The following DMXL2 variants were observed in gnomAD, a reference collection of about 807,000 sequenced individuals.
DMXL2 encodes the protein Dmx like 2, also known as dmX-like protein 2.
In DMXL2, 103 loss-of-function variants were observed where a neutral mutation model predicts 331.1. The ratio of observed to expected loss-of-function variants is 0.31; its 90% confidence interval spans 0.27 to 0.37. The LOEUF is 0.37. DMXL2 is among the 10% of genes least tolerant of loss of function. The probability of loss-of-function intolerance (pLI) is 1.00; values close to 1 mark genes in which losing one functional copy is unlikely to be tolerated. For synonymous variants in DMXL2, 1,281 were observed against 1,252.1 expected, an observed-to-expected ratio of 1.02 and a Z score of -0.49; for missense variants, 3,171 against 3,642.9, an observed-to-expected ratio of 0.87 and a Z score of 3.33.
chr15:51,492,950 T>C (rs1423595004), intron 19 of DMXL2, among the ~76,000 whole-genome samples: 2 of 152,210 alleles, frequency 1.3e-5, no homozygotes, highest in Non-Finnish European at 2.9e-5. Context: ...GTAATTTCTT[T>C]AGAAAGTATA....
chr15:51,516,970 T>C (rs1468720425), intron 14 of DMXL2, 108 bp downstream of exon 14: 2 of 877,294 alleles, frequency 2.3e-6, no homozygotes, highest in East Asian at 2.4e-5. Context: ...GTTGTCTGCA[T>C]TTAATAACAA....
chr15:51,543,084 A>T (rs1311154958), intron 8 of DMXL2, among the ~76,000 whole-genome samples: 1 of 152,150 alleles, frequency 6.6e-6, no homozygotes, highest in African/African-American at 2.4e-5. Context: ...TGCAATTTGG[A>T]TATGTTTAAA....
intron 1 of DMXL2, among the ~76,000 whole-genome samples, chr15:51,593,617 T>C (rs979108943): frequency 3.9e-5 from 6 of 152,206 alleles, no homozygotes; most frequent in Non-Finnish European, 5.9e-5. Context: ...TATACATTCT[T>C]CTCAGCACAA....
At chr15:51,601,179 T>A (rs1279467852) in intron 1 of DMXL2, among the ~76,000 whole-genome samples, 1 of 150,828 alleles carries the variant, frequency 6.6e-6, no homozygotes, top group African/African-American at 2.4e-5. Context: ...TAGTCCCAGC[T>A]ACTCGGGAGG....
chr15:51,602,926 T>C (rs2053330828), intron 1 of DMXL2, among the ~76,000 whole-genome samples: 1 of 152,140 alleles, frequency 6.6e-6, no homozygotes, highest in South Asian at 2.1e-4. Flanking sequence ...TATAAAGAAC[T>C]AAGAAAATCT....
intron 9 of DMXL2, among the ~76,000 whole-genome samples, chr15:51,539,500 A>G (rs1451374564): frequency 6.6e-6 from 1 of 152,180 alleles, no homozygotes; most frequent in Non-Finnish European, 1.5e-5. Flanking sequence ...TATGAAATTG[A>G]TGAGTTCATG....
At chr15:51,469,665 T>G (rs2140299168) in intron 29 of DMXL2, among the ~76,000 whole-genome samples, 1 of 152,274 alleles carries the variant, frequency 6.6e-6, no homozygotes, top group African/African-American at 2.4e-5. Flanking sequence ...AACAAAAATT[T>G]AGCACATTAC....
intron 29 of DMXL2, among the ~76,000 whole-genome samples, 197 bp downstream of exon 29, chr15:51,471,026 G>C (rs959756683): frequency 2.0e-5 from 3 of 152,118 alleles, no homozygotes; most frequent in Non-Finnish European, 2.9e-5. Flanking sequence ...ATTTTAATTT[G>C]TCTCCTACAT....
At chr15:51,453,936 C>T (rs1181074994) in intron 40 of DMXL2, 5 of 244,122 alleles carry the variant, frequency 2.0e-5, no homozygotes, top group South Asian at 7.5e-5. Context: ...ACCTAAGACC[C>T]GTCAATTTTA....
At chr15:51,465,540 C>CATTA (rs2040496097) in intron 31 of DMXL2, 26 bp downstream of exon 31, 1 of 1,500,986 alleles carries the variant, frequency 6.7e-7, no homozygotes, top group African/African-American at 1.4e-5. Flanking sequence ...TACTTAATAA[C>CATTA]ATTAATTTTT....
intron 13 of DMXL2, among the ~76,000 whole-genome samples, chr15:51,523,968 T>C (rs1239477266): frequency 1.3e-5 from 2 of 152,160 alleles, no homozygotes; most frequent in Non-Finnish European, 2.9e-5. Context: ...AACAACACCA[T>C]CAATCAAAAC....
chr15:51,513,502 G>A (rs1365170526), intron 15 of DMXL2, among the ~76,000 whole-genome samples: 2 of 152,176 alleles, frequency 1.3e-5, no homozygotes, highest in Non-Finnish European at 2.9e-5. Flanking sequence ...CTAGTCTGAC[G>A]AGTGAAAAGA....
At chr15:51,467,330 A>G (rs1244134968) in intron 29 of DMXL2, among the ~76,000 whole-genome samples, 4 of 152,138 alleles carry the variant, frequency 2.6e-5, no homozygotes, top group African/African-American at 9.6e-5. Flanking sequence ...AACTTTTTAA[A>G]ACTTCAAATG....
At chr15:51,509,807 A>G (rs2046642634) in intron 15 of DMXL2, among the ~76,000 whole-genome samples, 1 of 152,228 alleles carries the variant, frequency 6.6e-6, no homozygotes, top group Non-Finnish European at 1.5e-5. Context: ...AAAAACCTCA[A>G]TAAAATACTG....
chr15:51,502,936 G>A lies in DMXL2; in HGVS notation c.2862C>T (p.Pro954=), dbSNP rs752123271. ...SSPETSPSVS[P]MPHSSSIANL... ...TGGCAATTGATGAAGAATGTGGCAT[G>A]GGGCTCACACTAGGAGAGGTTTCTG... Residue 954 remains proline (P), a synonymous_variant, in exon 17 of 44, where the codon CCC becomes CCT. Coordinates refer to ENST00000560891, the MANE Select transcript of DMXL2 (RefSeq NM_001378457.1). 1.9e-6 allele frequency: 3 copies of A among 1,614,048 alleles called. No individual in the cohort carries two copies. The highest frequency in any genetic ancestry group is 1.1e-5 in the South Asian group (1 of 91,082).
chr15:51,536,343 G>A lies in DMXL2; in HGVS notation c.2137C>T (p.Arg713Cys), dbSNP rs183834316. ...SKQPLRNAATRTFHDPNAIYS... is the reference protein window; with the variant it reads ...SKQPLRNAATCTFHDPNAIYS... ...ATTGCATTTGGGTCATGAAATGTAC[G>A]AGTTGCTGCATTTCTAAGAGGTTGT... Residue 713 changes from arginine to cysteine, a missense_variant, in exon 12 of 44, where the codon CGT (arginine) becomes TGT (cysteine). Physicochemically the swap from Arg to Cys is radical, Grantham distance 180. This residue lies in a region of DMXL2 where 1,674 missense variants were observed against 1,780.2 expected (regional missense o/e 0.94). Transcript: ENST00000560891. 26 of 1,613,940 alleles carry A rather than the reference G, an allele frequency of 1.6e-5. No homozygotes were observed. Among genetic ancestry groups the A allele is most frequent in the Admixed American group, 3.3e-5 (2 of 59,988 alleles).
At chr15:51,553,978 A>G (rs2049389104) in intron 6 of DMXL2, among the ~76,000 whole-genome samples, 1 of 152,210 alleles carries the variant, frequency 6.6e-6, no homozygotes, top group Non-Finnish European at 1.5e-5. Context: ...ATGTTGTTCA[A>G]GGGTTAACTG....
chr15:51,605,637 G>A (rs1275531030), intron 1 of DMXL2, among the ~76,000 whole-genome samples: 6 of 74,442 alleles, frequency 8.1e-5, no homozygotes, highest in Non-Finnish European at 1.1e-4. Context: ...TCCGCTTCCC[G>A]GGTTCACGCC....
intron 29 of DMXL2, among the ~76,000 whole-genome samples, chr15:51,470,436 G>A (rs1226008631): frequency 2.0e-5 from 3 of 152,122 alleles, no homozygotes; most frequent in Admixed American, 1.3e-4. Context: ...TGGCCTCAGA[G>A]TCTTTAGATA....
Sources: allele counts gnomAD v4.1 joint callset (sites outside exome capture counted in the v4.1 genomes callset), GRCh38; gene constraint gnomAD v4.1.1; regional missense constraint gnomAD v4.1.1; transcripts MANE v1.5; gene names NCBI Gene and HGNC (gene_info 2026-07-23, HGNC 2026-07-21).